Variants in NDUFA10 observed in about 807,000 individuals in gnomAD.
The protein encoded by NDUFA10 is NADH dehydrogenase [ubiquinone] 1 alpha subcomplex subunit 10, mitochondrial.
Under a neutral mutation model 47.8 loss-of-function variants are expected in NDUFA10, and 40 were observed. The ratio of observed to expected loss-of-function variants is 0.84; its 90% CI spans 0.65 to 1.09. The LOEUF (loss-of-function observed/expected upper bound fraction) is 1.09. Among genes scored for constraint, NDUFA10 ranks in the 50% least tolerant of loss-of-function variants. The pLI is 0.00. For missense variants in NDUFA10, 413 were observed against 451.1 expected (o/e 0.92, Z 0.76); for synonymous variants, 183 against 172.2 (o/e 1.06, Z -0.49).
downstream of NDUFA10, among the ~76,000 whole-genome samples, chr2:239,953,244 A>AG (rs1191724297): frequency 1.3e-5 from 2 of 152,132 alleles, no homozygotes; most frequent in African/African-American, 2.4e-5. Flanking sequence ...TGACTAGAGG[A>AG]GGGGTCACAA....
In NDUFA10 at chr2:239,987,817, G is replaced by A. The variant is rs182096834; in HGVS notation, c.999+2257C>T. Among the ~76,000 whole-genome samples the A allele has an allele frequency of 2.3e-3, 354 of 152,250 alleles. No homozygotes were observed. Among genetic ancestry groups the A allele is most frequent in the Non-Finnish European group, 3.3e-3 (227 of 68,024 alleles). Reference sequence around the variant, plus strand: ...ACTAACACGTATGGAGAATTAAGACGACCGAGATCATGCAAAACATGCGAG... The same window carrying A: ...ACTAACACGTATGGAGAATTAAGACAACCGAGATCATGCAAAACATGCGAG... On this transcript the variant is annotated intron_variant, in intron 9 of 9. Transcript: ENST00000252711. This position sits in a 1 kb window ranked among gnomAD's most constrained non-coding sequence, Gnocchi z 4.8.
chr2:239,910,439 A>G (rs1157837829), intron 4 of NDUFA10, among the ~76,000 whole-genome samples: 1 of 152,228 alleles, frequency 6.6e-6, no homozygotes. Flanking sequence ...GCTGGAAGCC[A>G]TCATCCTCAG....
In NDUFA10 at chr2:239,960,067, T is replaced by C; in HGVS notation, c.*1051A>G. 1.0e-6 allele frequency: 1 copy of C among 985,388 alleles called. No individual in the cohort carries two copies. The highest frequency in any genetic ancestry group is 1.2e-6 in the Non-Finnish European group (1 of 829,886). The allele number at this position is 985,388 out of a possible 1,614,324, so 61.0% of individuals were successfully genotyped here. A position where few individuals can be genotyped will look rare whatever the true frequency, so the allele number is the denominator to read the frequency against. On this transcript the variant is annotated 3_prime_UTR_variant, in exon 10 of 10. Transcript: ENST00000252711. ...TTAAACTCTATTACATTTTAGCTCA[T>C]TTAAATTTCAATACCCACATGTGGC...
intron 4 of NDUFA10, among the ~76,000 whole-genome samples, chr2:239,950,368 G>A (rs1197858647): frequency 6.6e-6 from 1 of 152,188 alleles, no homozygotes; most frequent in Admixed American, 6.5e-5. Context: ...GGAGGCTCAG[G>A]GCTCCCGACC....
At chr2:239,977,028 G>A (rs546517106) in intron 9 of NDUFA10, among the ~76,000 whole-genome samples, 41 of 152,210 alleles carry the variant, frequency 2.7e-4, no homozygotes, top group Non-Finnish European at 2.6e-4. Flanking sequence ...CCAGACTCAG[G>A]TCTTGGTGCC....
chr2:239,915,374 C>G (rs982914960), intron 4 of NDUFA10, among the ~76,000 whole-genome samples: 12 of 142,222 alleles, frequency 8.4e-5, no homozygotes, highest in Non-Finnish European at 1.7e-4. Flanking sequence ...CAGACACACA[C>G]AGAGACAGAG....
chr2:239,894,442 C>T (rs1693354847), intron 5 of NDUFA10, among the ~76,000 whole-genome samples: 1 of 152,196 alleles, frequency 6.6e-6, no homozygotes, highest in Admixed American at 6.5e-5. Context: ...CTTCCACCTC[C>T]TCCCCAGGAT....
rs142424047 is a variant in NDUFA10, at chr2:239,972,708, T to C, written c.1000-11522A>G. Among the ~76,000 whole-genome samples, 407 of 152,338 alleles carry C rather than the reference T, an allele frequency of 2.7e-3. 1 individual carries two copies. The highest frequency in any genetic ancestry group is 6.8e-3 in the Middle Eastern group (2 of 294). ...TTTAACACATAAAACTATAGCTTCCTACAAATATATCATTATTTAGCTGTC... is the reference window on the plus strand; with the variant it reads ...TTTAACACATAAAACTATAGCTTCCCACAAATATATCATTATTTAGCTGTC... On this transcript the variant is annotated intron_variant, in intron 9 of 9. Coordinates refer to ENST00000252711, the MANE Select transcript of NDUFA10 (RefSeq NM_004544.4).
chr2:240,021,530 A>G, intron 2 of NDUFA10, 118 bp from the exon 3 acceptor site: 2 of 893,632 alleles, frequency 2.2e-6, no homozygotes, highest in Admixed American at 4.0e-5. Context: ...GATGGAGCCA[A>G]TGACCTAGAG....
Position 240,021,229 on chromosome 2 carries a change from T to C in NDUFA10, c.428A>G (p.Tyr143Cys), listed in dbSNP as rs768424846. The C allele has an allele frequency of 1.2e-6, 2 of 1,614,164 alleles. No homozygotes were observed. Among genetic ancestry groups the C allele is most frequent in the East Asian group, 2.2e-5 (1 of 44,864 alleles). The change falls in exon 3 of 10, where the codon TAC becomes TGC. Residue 143 changes from tyrosine to cysteine, a missense_variant. Physicochemically the swap from Tyr to Cys is radical, Grantham distance 194. Coordinates refer to ENST00000252711, the MANE Select transcript of NDUFA10 (RefSeq NM_004544.4). ...CAGCAAGTGCTCCAAGGCATCTGAGTACTGCAGCAGGCGACTGCTGTACAA... is the reference window on the plus strand; with the variant it reads ...CAGCAAGTGCTCCAAGGCATCTGAGCACTGCAGCAGGCGACTGCTGTACAA... ...SWLYSSRLLQ[Y>C]SDALEHLLTT...
chr2:239,983,516 C>T (rs1171680733), intron 9 of NDUFA10: 2 of 1,598,492 alleles, frequency 1.3e-6, no homozygotes, highest in Non-Finnish European at 1.7e-6. Flanking sequence ...ACAATTCTTA[C>T]TCAACAAAGG....
chr2:239,986,004 C>T (rs147253886), intron 9 of NDUFA10, among the ~76,000 whole-genome samples: 8 of 151,342 alleles, frequency 5.3e-5, no homozygotes, highest in Non-Finnish European at 1.0e-4. Context: ...TGAGTACAGA[C>T]GCACATGCAC....
At chr2:239,991,920 C>T (rs1696267144) in intron 8 of NDUFA10, among the ~76,000 whole-genome samples, 1 of 152,146 alleles carries the variant, frequency 6.6e-6, no homozygotes, top group East Asian at 1.9e-4. Flanking sequence ...AATTTGGCAA[C>T]ATTACATGTA....
intron 9 of NDUFA10, among the ~76,000 whole-genome samples, chr2:239,981,190 C>T (rs540770739): frequency 2.6e-5 from 4 of 152,362 alleles, no homozygotes; most frequent in Non-Finnish European, 5.9e-5. Context: ...TCAGTTCAAG[C>T]TTACCTTGGC....
chr2:239,965,305 G>A (rs112665124), intron 9 of NDUFA10, among the ~76,000 whole-genome samples: 2 of 147,772 alleles, frequency 1.4e-5, no homozygotes, highest in African/African-American at 2.6e-5. Flanking sequence ...AGAACCATGC[G>A]GGGGGGGAGG....
chr2:239,936,916 C>T (rs566974516), intron 4 of NDUFA10, among the ~76,000 whole-genome samples: 221 of 152,262 alleles, frequency 1.5e-3, no homozygotes, highest in African/African-American at 5.0e-3. Context: ...GCCACAGTCG[C>T]GCCACTGGAC....
At chr2:239,927,587 G>A (rs1266046598) in intron 4 of NDUFA10, among the ~76,000 whole-genome samples, 1 of 152,198 alleles carries the variant, frequency 6.6e-6, no homozygotes, top group East Asian at 1.9e-4. Flanking sequence ...CAGCCTGGAG[G>A]GGGCTCAAGG....
At chr2:239,955,640 T>G (rs1694637706), downstream of NDUFA10, among the ~76,000 whole-genome samples, 1 of 152,088 alleles carries the variant, frequency 6.6e-6, no homozygotes, top group African/African-American at 2.4e-5. Context: ...CCTCTGTGTG[T>G]GGGTTGCTGT....
chr2:239,989,172 T>C (rs1696146437), intron 9 of NDUFA10, among the ~76,000 whole-genome samples: 1 of 152,234 alleles, frequency 6.6e-6, no homozygotes, highest in South Asian at 2.1e-4. Context: ...GTTTTATGTG[T>C]TTTCCCCAAA....
Sources: allele counts gnomAD v4.1 joint callset (sites outside exome capture counted in the v4.1 genomes callset), GRCh38; gene constraint gnomAD v4.1.1; non-coding constraint Gnocchi (gnomAD v3.1); transcripts MANE v1.5; gene names NCBI Gene and HGNC (gene_info 2026-07-23, HGNC 2026-07-21).